PHF20: variants seen among roughly 807,000 people sequenced by gnomAD.
The protein encoded by PHF20 is PHD finger protein 20, also known as glioma-expressed antigen 2.
PHF20 carries 23 observed loss-of-function variants against 113.5 expected under a neutral mutation model. The observed-to-expected ratio is 0.20, with a 90% confidence interval of 0.15 to 0.29. The LOEUF is 0.29. Ranked by LOEUF, PHF20 falls within the 10% of genes least tolerant of loss-of-function variation. The probability of loss-of-function intolerance (pLI) is 1.00; values close to 1 mark genes in which losing one functional copy is unlikely to be tolerated. For synonymous variants in PHF20, 434 were observed against 457.3 expected, an observed-to-expected ratio of 0.95 and a Z score of 0.65; for missense variants, 943 against 1,219.6, an observed-to-expected ratio of 0.77 and a Z score of 3.38.
chr20:35,863,183 A>C lies in PHF20; in HGVS notation c.591A>C (p.Glu197Asp). 3 of 1,613,608 alleles carry C rather than the reference A, an allele frequency of 1.9e-6. No homozygotes were observed. The highest frequency in any genetic ancestry group is 2.5e-6 in the Non-Finnish European group (3 of 1,179,928). Residue 197 changes from glutamate (E) to aspartate (D), a missense_variant, in exon 6 of 18, where the codon GAA becomes GAC. This residue lies in a region of PHF20 where 592 missense variants were observed against 787.2 expected (regional missense o/e 0.75). Coordinates refer to ENST00000374012, the MANE Select transcript of PHF20 (RefSeq NM_016436.5). ...AGCGACCCAAGCAGCCTGATAAAGA[A>C]GGAAAGTTAATCTGTTCTGAAAAGG... ...TEKRPKQPDK[E>D]GKLICSEKGK...
At chr20:35,783,603 A>C (rs893448262) in intron 1 of PHF20, among the ~76,000 whole-genome samples, 1 of 142,754 alleles carries the variant, frequency 7.0e-6, no homozygotes, top group African/African-American at 2.6e-5. Flanking sequence ...TTTTTTTATT[A>C]TTTATAGAGA....
chr20:35,827,657 G>A (rs1465604755), intron 2 of PHF20, among the ~76,000 whole-genome samples: 1 of 151,902 alleles, frequency 6.6e-6, no homozygotes, highest in Non-Finnish European at 1.5e-5. Flanking sequence ...GGTGGCGGGT[G>A]CCTGTAGTCC....
At chr20:35,914,963 C>CAA (rs1287168580) in intron 12 of PHF20, among the ~76,000 whole-genome samples, 21 of 46,522 alleles carry the variant, frequency 4.5e-4, no homozygotes, top group Non-Finnish European at 7.4e-4. Context: ...GACTCCGTCT[C>CAA]AAAAAAAAAA....
intron 1 of PHF20, among the ~76,000 whole-genome samples, chr20:35,773,577 C>T (rs2041108326): frequency 6.6e-6 from 1 of 152,156 alleles, no homozygotes; most frequent in Non-Finnish European, 1.5e-5. Context: ...TTTGATAGGC[C>T]TATCTTTTAT....
At chr20:35,893,681 C>T (rs56812612) in intron 9 of PHF20, among the ~76,000 whole-genome samples, 1,664 of 152,088 alleles carry the variant, frequency 0.011, 22 homozygotes, top group African/African-American at 0.038. Flanking sequence ...ATGGTGTGAT[C>T]GCAGCTCATT....
chr20:35,892,045 GT>G (rs932566559), intron 9 of PHF20, among the ~76,000 whole-genome samples: 1 of 143,950 alleles, frequency 6.9e-6, no homozygotes, highest in African/African-American at 2.6e-5. Flanking sequence ...AATTTTTTTT[GT>G]TTTTTTTTGT....
rs773060725 is a variant in PHF20 at position 35,881,048 on chromosome 20, C to CTTTTTTTTT, written c.1282+9233_1282+9241dup. 6.6e-3 allele frequency among the ~76,000 whole-genome samples: 726 copies of CTTTTTTTTT among 109,706 alleles called. 50 individuals are homozygous for CTTTTTTTTT. The highest frequency in any genetic ancestry group is 0.02 in the African/African-American group (514 of 25,316). The allele number at this position is 109,706 out of a possible 152,430, so 72.0% of individuals were successfully genotyped here. A position where few individuals can be genotyped will look rare whatever the true frequency, so the allele number is the denominator to read the frequency against. Reference sequence around the variant, plus strand: ...GTTCCAGACCTTTATCTCTAAATACCTTTTTTTTTTTTTTTTTTTTTTCTG... The same window carrying CTTTTTTTTT: ...GTTCCAGACCTTTATCTCTAAATACCTTTTTTTTTTTTTTTTTTTTTTTTTTTTTTTCTG... On this transcript the variant is annotated intron_variant, in intron 9 of 17. Transcript: ENST00000374012.
At chr20:35,881,057 TTTTTTTTTTTTTTC>T (rs2054622085) in intron 9 of PHF20, among the ~76,000 whole-genome samples, 1 of 142,582 alleles carries the variant, frequency 7.0e-6, no homozygotes, top group African/African-American at 2.7e-5. Flanking sequence ...CCTTTTTTTT[TTTTTTTTTTTTTTC>T]TGAGACGGAG....
chr20:35,907,971 G>A lies in PHF20; in HGVS notation c.1562-5278G>A, dbSNP rs6087745. ...GTTTTAAGAATTTGGATGCTCTAAT[G>A]TTGGCATATTAGGCATCTATAATGC... On this transcript the variant is annotated intron_variant, in intron 10 of 17. Coordinates refer to ENST00000374012, the MANE Select transcript of PHF20 (RefSeq NM_016436.5). Among the ~76,000 whole-genome samples, 1,455 of 152,340 alleles carry A rather than the reference G, an allele frequency of 9.6e-3. 12 individuals carry two copies. The highest frequency in any genetic ancestry group is 0.014 in the Non-Finnish European group (986 of 68,030).
intron 4 of PHF20, among the ~76,000 whole-genome samples, chr20:35,849,085 T>C (rs2042673120): frequency 6.6e-6 from 1 of 152,160 alleles, no homozygotes; most frequent in Non-Finnish European, 1.5e-5. Flanking sequence ...GGGTCTGAAG[T>C]CCTGTATTAT....
intron 9 of PHF20, among the ~76,000 whole-genome samples, chr20:35,884,535 G>A (rs1296290197): frequency 2.6e-5 from 4 of 152,126 alleles, no homozygotes; most frequent in South Asian, 2.1e-4. Flanking sequence ...ACTATATGTC[G>A]GTGTGGTTCC....
rs772411986 is a variant in PHF20 at position 35,899,581 on chromosome 20, C to T, written c.1494C>T (p.Gly498=). The change falls in exon 10 of 18, where the codon GGC becomes GGT. Residue 498 remains glycine (G), a synonymous_variant. Transcript: ENST00000374012. ...GAAAGAGGCATGTCCAAACCAGGGG[C>T]CCTTCAGCTTCAGACAAGCCCAGCC... is the stretch of plus-strand genomic sequence containing the variant. ...SPGKRHVQTR[G]PSASDKPSQE... 7 of 1,614,102 alleles carry T rather than the reference C, an allele frequency of 4.3e-6. No individual in the cohort carries two copies. In the East Asian group the frequency reaches 1.6e-4, roughly 36 times the overall value.
chr20:35,887,381 G>T (rs919828373), intron 9 of PHF20, among the ~76,000 whole-genome samples: 3 of 152,128 alleles, frequency 2.0e-5, no homozygotes, highest in Admixed American at 2.0e-4. Context: ...GTTGGCTCAG[G>T]CTGTATTCTC....
chr20:35,913,988 G>A (rs368683499), intron 11 of PHF20, 45 bp from the exon 12 acceptor site: 18 of 1,588,112 alleles, frequency 1.1e-5, no homozygotes, highest in African/African-American at 2.7e-5. Flanking sequence ...GAATGCACCA[G>A]TGTTAACTAG....
chr20:35,892,904 T>C (rs572350316), intron 9 of PHF20, among the ~76,000 whole-genome samples: 1 of 152,382 alleles, frequency 6.6e-6, no homozygotes, highest in Admixed American at 6.5e-5. Flanking sequence ...AGATTTGTAA[T>C]GCTCAAATCT....
intron 4 of PHF20, among the ~76,000 whole-genome samples, chr20:35,849,704 C>T (rs371988097): frequency 3.9e-5 from 6 of 152,146 alleles, no homozygotes; most frequent in African/African-American, 7.2e-5. Context: ...CAGGTTCATT[C>T]GTAGCAGTGG....
chr20:35,856,582 G>T lies in PHF20; in HGVS notation c.341-1720G>T, dbSNP rs1482602737. 5 of 152,370 alleles carry T rather than the reference G, an allele frequency of 3.3e-5. No individual in the cohort carries two copies. The East Asian group carries it at 9.6e-4, about 29-fold the overall frequency. The allele number at this position is 152,370 out of a possible 1,614,324, so 9.4% of individuals were successfully genotyped here. A position where few individuals can be genotyped will look rare whatever the true frequency, so the allele number is the denominator to read the frequency against. On this transcript the variant is annotated intron_variant, in intron 4 of 17. Transcript: ENST00000374012. Reference sequence around the variant, plus strand: ...AAGTTATGGTCTCTGGCCTTGAAGAGCCTGCTTTTGAGTTGTGATCTGTAC... The same window carrying T: ...AAGTTATGGTCTCTGGCCTTGAAGATCCTGCTTTTGAGTTGTGATCTGTAC...
chr20:35,895,215 G>A (rs1041763896), intron 9 of PHF20, among the ~76,000 whole-genome samples: 2 of 152,098 alleles, frequency 1.3e-5, no homozygotes, highest in African/African-American at 4.8e-5. Flanking sequence ...TTTGAGACAA[G>A]GTTTTACCAT....
At chr20:35,842,815 G>T in intron 3 of PHF20, 71 bp downstream of exon 3, 1 of 1,347,764 alleles carries the variant, frequency 7.4e-7, no homozygotes, top group South Asian at 1.3e-5. Flanking sequence ...TTCAATCTTT[G>T]ATGTTAGTAG....
Sources: allele counts gnomAD v4.1 joint callset (sites outside exome capture counted in the v4.1 genomes callset), GRCh38; gene constraint gnomAD v4.1.1; regional missense constraint gnomAD v4.1.1; transcripts MANE v1.5; gene names NCBI Gene and HGNC (gene_info 2026-07-23, HGNC 2026-07-21).